Variants in VWA1 observed in about 807,000 individuals in gnomAD.
VWA1 encodes von Willebrand factor A domain containing 1.
VWA1 carries 12 observed loss-of-function variants against 14.9 expected under a neutral mutation model. That is an observed-to-expected ratio of 0.80 (90% CI 0.52 to 1.30). The LOEUF is 1.30. Ranked by LOEUF, VWA1 falls within the 50% of genes most tolerant of loss-of-function variation. The pLI, the probability that VWA1 is intolerant of heterozygous loss-of-function variation, is 0.00. For missense variants in VWA1, 800 were observed against 649.1 expected, an observed-to-expected ratio of 1.23 and a Z score of -2.53; for synonymous variants, 368 against 310.7, an observed-to-expected ratio of 1.18 and a Z score of -1.94.
At position 1,437,274 on chromosome 1, in the gene VWA1, T is replaced by C. The variant is rs756977758; in HGVS notation, c.421T>C (p.Trp141Arg). ...GCCAGGGGTGCCCAAAGTGCTGGTG[T>C]GGGTGACAGATGGCGGCTCCAGCGA... The part of the protein sequence containing the change: ...ARPGVPKVLV[W>R]VTDGGSSDPV... The change falls in exon 2 of 3, where the codon TGG becomes CGG. Residue 141 changes from tryptophan (W) to arginine (R), a missense_variant. Trp to Arg is a moderately radical substitution (Grantham distance 101). Coordinates refer to ENST00000476993, the MANE Select transcript of VWA1 (RefSeq NM_022834.5). The C allele has an allele frequency of 6.2e-7, 1 of 1,610,520 alleles. No individual in the cohort carries two copies. Among genetic ancestry groups the C allele is most frequent in the Non-Finnish European group, 8.5e-7 (1 of 1,179,052 alleles).
intron 1 of VWA1, chr1:1,436,707 A>G (rs1023542604): frequency 2.6e-5 from 14 of 544,758 alleles, no homozygotes; most frequent in African/African-American, 1.9e-5. Flanking sequence ...AGATGGGATA[A>G]CACAAGCCCA....
intron 1 of VWA1, 47 bp downstream of exon 1, chr1:1,435,868 G>A (rs987396938): frequency 3.8e-6 from 4 of 1,061,196 alleles, no homozygotes; most frequent in East Asian, 8.3e-5. Context: ...TCTGGTGACC[G>A]CTCTGCGCCG....
In VWA1 at chr1:1,439,625, C is replaced by G. The variant is rs550949639; in HGVS notation, c.1176C>G (p.Gly392=). 164 of 1,313,256 alleles carry G rather than the reference C, an allele frequency of 1.2e-4. No homozygotes were observed. In the African/African-American group the frequency reaches 2.5e-3, roughly 20 times the overall value. The allele number at this position is 1,313,256 out of a possible 1,614,324, so 81.4% of individuals were successfully genotyped here. ...PAGRNCTTLQ[G]LAPGTAYLVT... is the part of the protein sequence containing the mutation. Reference sequence around the variant, plus strand: ...GCCGCAACTGCACCACGCTGCAGGGCCTGGCGCCGGGCACCGCCTACCTGG... The same window carrying G: ...GCCGCAACTGCACCACGCTGCAGGGGCTGGCGCCGGGCACCGCCTACCTGG... The change falls in exon 3 of 3, where the codon GGC becomes GGG. Residue 392 remains glycine (G), a synonymous_variant. Coordinates refer to ENST00000476993, the MANE Select transcript of VWA1 (RefSeq NM_022834.5).
In VWA1 at chr1:1,439,752, GCCCCGA is replaced by G. The variant is rs1031355160; in HGVS notation, c.1309_1314del (p.Thr437_Pro438del). 6 of 1,089,942 alleles carry G rather than the reference GCCCCGA, an allele frequency of 5.5e-6. No homozygotes were observed. Among genetic ancestry groups the G allele is most frequent in the Non-Finnish European group, 6.7e-6 (6 of 898,544 alleles). The allele number at this position is 1,089,942 out of a possible 1,614,324, so 67.5% of individuals were successfully genotyped here. ...CCCGCGCCCACGCCCCGTGCCCCGC[GCCCCGA>G]CCCCGGGGACCGCCAGCCGTGAGCC... is the stretch of plus-strand genomic sequence containing the variant. On this transcript the variant is annotated inframe_deletion, in exon 3 of 3. Coordinates refer to ENST00000476993, the MANE Select transcript of VWA1 (RefSeq NM_022834.5).
intron 2 of VWA1, 135 bp downstream of exon 2, chr1:1,437,619 G>A (rs1638575560): frequency 2.7e-6 from 3 of 1,107,262 alleles, no homozygotes; most frequent in South Asian, 3.2e-5. Flanking sequence ...CCCCTAGGGT[G>A]CAGGGCTGAG....
At position 1,438,960 on chromosome 1, in the gene VWA1, CG is replaced by C. The variant is rs922787171; in HGVS notation, c.632-117del. On this transcript the variant is annotated intron_variant, in intron 2 of 2. Transcript: ENST00000476993. ...CATGGCTCCAGCAGCTCCTTGGCCG[CG>C]GGGCCCCGTCTTTCCTAGTGGGGCC... 3.6e-5 allele frequency: 51 copies of C among 1,419,616 alleles called. No homozygotes were observed. In the East Asian group the frequency reaches 4.2e-4, roughly 12 times the overall value. 87.9% of individuals were successfully genotyped at this position (1,419,616 alleles called of 1,614,324 possible).
In VWA1 at chr1:1,435,730, G is replaced by T; in HGVS notation, c.-19G>T. On this transcript the variant is annotated 5_prime_UTR_variant, in exon 1 of 3. Transcript: ENST00000476993. ...AGCGAGCGAGCGAGTTGCCGAGCGC[G>T]CCCCGTCCCTCGCGCGCGATGCTCC... is the stretch of plus-strand genomic sequence containing the variant. 8.3e-7 allele frequency: 1 copy of T among 1,200,908 alleles called. No homozygotes were observed. Among genetic ancestry groups the T allele is most frequent in the Non-Finnish European group, 1.0e-6 (1 of 961,712 alleles). The allele number at this position is 1,200,908 out of a possible 1,614,324, so 74.4% of individuals were successfully genotyped here.
Position 1,439,726 on chromosome 1 carries a change from GCCCGCGCCCACGCCCCGTGC to G in VWA1, c.1287_1306del (p.Arg430AspfsTer8). Reference sequence around the variant, plus strand: ...AAGGCCTGCACGCCCGACGGCCCGCGCCCGCGCCCACGCCCCGTGCCCCGCGCCCCGACCCCGGGGACCGC... The same window carrying G: ...AAGGCCTGCACGCCCGACGGCCCGCGCCCGCGCCCCGACCCCGGGGACCGC... On this transcript the variant is annotated frameshift_variant, in exon 3 of 3. Transcript: ENST00000476993. LOFTEE classifies it low-confidence loss of function (END_TRUNC). 8.8e-7 allele frequency: 1 copy of G among 1,134,684 alleles called. No individual in the cohort carries two copies. The highest frequency in any genetic ancestry group is 1.1e-6 in the Non-Finnish European group (1 of 924,652). The allele number at this position is 1,134,684 out of a possible 1,614,324, so 70.3% of individuals were successfully genotyped here.
At chr1:1,436,333 G>T (rs1048591344) in intron 1 of VWA1, among the ~76,000 whole-genome samples, 1 of 152,194 alleles carries the variant, frequency 6.6e-6, no homozygotes, top group African/African-American at 2.4e-5. Context: ...CGGCTTTCAG[G>T]CTGCTGGGGG....
intron 2 of VWA1, 61 bp from the exon 3 acceptor site, chr1:1,439,020 C>T (rs1426732842): frequency 2.0e-6 from 3 of 1,531,788 alleles, no homozygotes; most frequent in South Asian, 2.5e-5. Flanking sequence ...CAGCCAGGGC[C>T]GCCCTCCAGC....
At position 1,437,331 on chromosome 1, in the gene VWA1, G is replaced by A. The variant is rs1346843965; in HGVS notation, c.478G>A (p.Asp160Asn). Residue 160 changes from aspartate to asparagine, a missense_variant, in exon 2 of 3, where the codon GAC becomes AAC. Physicochemically the swap from Asp to Asn is conservative, Grantham distance 23 (BLOSUM62 1). Transcript: ENST00000476993. ...PVGPPMQELK[D>N]LGVTVFIVST... is the part of the protein sequence containing the mutation. ...GGGCCCCCCCATGCAGGAGCTCAAG[G>A]ACCTGGGCGTCACCGTGTTCATTGT... 6.2e-7 allele frequency: 1 copy of A among 1,612,390 alleles called. No individual in the cohort carries two copies.
At chr1:1,437,540 G>T in intron 2 of VWA1, 56 bp downstream of exon 2, 1 of 1,547,472 alleles carries the variant, frequency 6.5e-7, no homozygotes, top group Admixed American at 1.9e-5. Context: ...CAGAAGGAGA[G>T]GCTGGGTTGA....
chr1:1,435,936 CT>C, intron 1 of VWA1, 115 bp downstream of exon 1: 1 of 546,810 alleles, frequency 1.8e-6, no homozygotes, highest in Non-Finnish European at 2.2e-6. Flanking sequence ...GGCTGGGAGG[CT>C]GCGGGAGCCG....
rs1247724892 is a variant in VWA1, at chr1:1,439,772, CAGCCGTG to C, written c.1330_1336del (p.Glu444LysfsTer93). The C allele has an allele frequency of 9.2e-7, 1 of 1,082,094 alleles. No individual in the cohort carries two copies. The highest frequency in any genetic ancestry group is 5.4e-5 in the Admixed American group (1 of 18,400). 67.0% of individuals were successfully genotyped at this position (1,082,094 alleles called of 1,614,324 possible). Reference sequence around the variant, plus strand: ...CCCGCGCCCCGACCCCGGGGACCGCCAGCCGTGAGCCGTAAGCCGGCGTCCCCGCCCA... The same window carrying C: ...CCCGCGCCCCGACCCCGGGGACCGCCAGCCGTAAGCCGGCGTCCCCGCCCA... On this transcript the variant is annotated frameshift_variant, in exon 3 of 3. Transcript: ENST00000476993. LOFTEE classifies it high-confidence loss of function.
chr1:1,439,464 G>T lies in VWA1; in HGVS notation c.1015G>T (p.Val339Phe), dbSNP rs1638613033. 7.0e-6 allele frequency: 10 copies of T among 1,425,946 alleles called. No individual in the cohort carries two copies. The highest frequency in any genetic ancestry group is 4.8e-4 in the Middle Eastern group (2 of 4,172). The allele number at this position is 1,425,946 out of a possible 1,614,324, so 88.3% of individuals were successfully genotyped here. A position where few individuals can be genotyped will look rare whatever the true frequency, so the allele number is the denominator to read the frequency against. The change falls in exon 3 of 3, where the codon GTC (valine) becomes TTC (phenylalanine). Residue 339 changes from valine (V) to phenylalanine (F), a missense_variant. Physicochemically the swap from Val to Phe is conservative, Grantham distance 50. Transcript: ENST00000476993. ...AGAGGAGGCCGGGCCAGAGCGCATC[G>T]TCATCTCCCACGCCCGGCCGCGCAG... is the stretch of plus-strand genomic sequence containing the variant. ...APEEAGPERIVISHARPRSLR... is the reference protein window; with the variant it reads ...APEEAGPERIFISHARPRSLR...
intron 2 of VWA1, among the ~76,000 whole-genome samples, chr1:1,437,895 C>G (rs1341956157): frequency 6.6e-6 from 1 of 152,190 alleles, no homozygotes; most frequent in Non-Finnish European, 1.5e-5. Flanking sequence ...GACTGCCCCC[C>G]CAGAGAGCAC....
rs963768130 is a variant in VWA1 at position 1,435,691 on chromosome 1, G to T, written c.-58G>T. The T allele has an allele frequency of 8.7e-6, 10 of 1,147,214 alleles. No homozygotes were observed. Among genetic ancestry groups the T allele is most frequent in the Non-Finnish European group, 9.7e-6 (9 of 927,794 alleles). The allele number at this position is 1,147,214 out of a possible 1,614,324, so 71.1% of individuals were successfully genotyped here. A position where few individuals can be genotyped will look rare whatever the true frequency, so the allele number is the denominator to read the frequency against. The stretch of plus-strand genomic sequence containing the variant: ...GGTCCGCGCGGTGACGCGCCCTGCA[G>T]CCCCGAGCGAGCGAGCGAGCGAGCG... On this transcript the variant is annotated 5_prime_UTR_variant, in exon 1 of 3. Coordinates refer to ENST00000476993, the MANE Select transcript of VWA1 (RefSeq NM_022834.5).
intron 1 of VWA1, among the ~76,000 whole-genome samples, chr1:1,436,562 C>G (rs910064140): frequency 1.3e-5 from 2 of 152,220 alleles, no homozygotes; most frequent in Non-Finnish European, 2.9e-5. Context: ...CTCTGAAAGC[C>G]ATGCCTGGAG....
intron 2 of VWA1, among the ~76,000 whole-genome samples, chr1:1,438,351 T>C (rs965845884): frequency 1.6e-4 from 25 of 152,046 alleles, no homozygotes; most frequent in African/African-American, 6.0e-4. Context: ...AGGAAAAGCC[T>C]GAGGCTGCAG....
Sources: gnomAD v4.1 joint callset for allele counts (sites outside exome capture counted in the v4.1 genomes callset) on GRCh38, gnomAD v4.1.1 for gene constraint, MANE v1.5 for transcripts, NCBI Gene and HGNC (gene_info 2026-07-23, HGNC 2026-07-21) for gene names.